The following ASAP3 variants were observed in gnomAD, a reference collection of about 807,000 sequenced individuals.
ASAP3 encodes ArfGAP with SH3 domain, ankyrin repeat and PH domain 3.
In ASAP3, 85 loss-of-function variants were observed where a neutral mutation model predicts 118.2. That is an observed-to-expected ratio of 0.72 (90% CI 0.60 to 0.86). The LOEUF (loss-of-function observed/expected upper bound fraction) is 0.86, where lower values mean the gene tolerates loss of function less well. Among genes scored for constraint, ASAP3 ranks in the 40% least tolerant of loss-of-function variants. The pLI, the probability that ASAP3 is intolerant of heterozygous loss-of-function variation, is 0.00. For synonymous variants in ASAP3, 432 were observed against 477.4 expected (o/e 0.90, Z 1.24); for missense variants, 1,026 against 1,175.0 (o/e 0.87, Z 1.85).
At chr1:23,434,404 G>GA in intron 18 of ASAP3, 35 bp from the exon 19 acceptor site, 1 of 1,610,518 alleles carries the variant, frequency 6.2e-7, no homozygotes, top group Non-Finnish European at 8.5e-7. Context: ...AAAGGAAGGG[G>GA]AACAGATCAA....
intron 5 of ASAP3, among the ~76,000 whole-genome samples, chr1:23,450,025 G>C (rs1457476830): frequency 1.3e-5 from 2 of 152,222 alleles, no homozygotes; most frequent in African/African-American, 4.8e-5. Context: ...AGTGAGAGCA[G>C]ATGGCCGTGC....
chr1:23,437,457 T>TGG lies in ASAP3; in HGVS notation c.1116_1117dup (p.His373ProfsTer26). 1.2e-6 allele frequency: 2 copies of TGG among 1,614,024 alleles called. No individual in the cohort carries two copies. The highest frequency in any genetic ancestry group is 1.7e-6 in the Non-Finnish European group (2 of 1,179,986). On this transcript the variant is annotated frameshift_variant, in exon 13 of 25. Coordinates refer to ENST00000336689, the MANE Select transcript of ASAP3 (RefSeq NM_017707.4). LOFTEE classifies it high-confidence loss of function. The surrounding 1 kb of genome is among the most constrained non-coding windows in gnomAD (Gnocchi z 6.1). ...CTCGTGCTCGTCCTCTGCCTGAAAG[T>TGG]GGTACGTCCGGTTGTCTGTCGGGAG...
In ASAP3 at chr1:23,431,125, G is replaced by A. The variant is rs1380157561; in HGVS notation, c.2547C>T (p.Ser849=). 2 of 1,583,116 alleles carry A rather than the reference G, an allele frequency of 1.3e-6. No homozygotes were observed. Among genetic ancestry groups the A allele is most frequent in the Non-Finnish European group, 1.7e-6 (2 of 1,164,880 alleles). ...PSEMYLPVRF[S]SESTRSYRRG... is the part of the protein sequence containing the mutation. Reference sequence around the variant, plus strand: ...GCCGATAGGAGCGAGTGCTCTCGGAGCTGGAAGGCAGGGAAAGGCCAACAT... The same window carrying A: ...GCCGATAGGAGCGAGTGCTCTCGGAACTGGAAGGCAGGGAAAGGCCAACAT... The change falls in exon 24 of 25, where the codon AGC becomes AGT. Residue 849 remains serine, a splice_region_variant and synonymous_variant. Transcript: ENST00000336689.
intron 1 of ASAP3, among the ~76,000 whole-genome samples, chr1:23,467,538 C>G (rs77996570): frequency 0.034 from 5,228 of 152,216 alleles, 130 homozygotes; most frequent in Middle Eastern, 0.12. Context: ...CCTTAAGAGA[C>G]GAAGTCACAG....
intron 10 of ASAP3, 72 bp downstream of exon 10, chr1:23,441,030 G>T: frequency 7.2e-7 from 1 of 1,392,204 alleles, no homozygotes. Flanking sequence ...GTTCCTTTGG[G>T]CAGCTTCCCC....
chr1:23,483,008 A>G (rs1642359960), intron 1 of ASAP3, among the ~76,000 whole-genome samples: 1 of 152,126 alleles, frequency 6.6e-6, no homozygotes, highest in Admixed American at 6.6e-5. Context: ...TGCTCCTTCC[A>G]CAATCCTCTA....
At position 23,435,929 on chromosome 1, in the gene ASAP3, G is replaced by A. The variant is rs1370635494; in HGVS notation, c.1671C>T (p.Asn557=). 6.2e-7 allele frequency: 1 copy of A among 1,614,276 alleles called. No individual in the cohort carries two copies. The highest frequency in any genetic ancestry group is 1.1e-5 in the South Asian group (1 of 91,090). The stretch of plus-strand genomic sequence containing the variant: ...CCTCCAGTACCGACAGGAGGTCCCT[G>A]TTGCAAATGGCTGTCCAGAGTCGCT... ...EPQRLWTAIC[N]RDLLSVLEAF... The change falls in exon 17 of 25, where the codon AAC becomes AAT. Residue 557 remains asparagine (N), a synonymous_variant. Coordinates refer to ENST00000336689, the MANE Select transcript of ASAP3 (RefSeq NM_017707.4).
chr1:23,477,593 G>A (rs1180285456), intron 1 of ASAP3, among the ~76,000 whole-genome samples: 1 of 152,070 alleles, frequency 6.6e-6, no homozygotes, highest in East Asian at 1.9e-4. Context: ...CACACGTGTG[G>A]ACAAGATTCC....
Position 23,436,170 on chromosome 1 carries a change from C to T in ASAP3, c.1572-142G>A, listed in dbSNP as rs1640646368. 1 of 944,194 alleles carries T rather than the reference C, an allele frequency of 1.1e-6. No individual in the cohort carries two copies. The highest frequency in any genetic ancestry group is 2.7e-5 in the Admixed American group (1 of 37,420). 58.5% of individuals were successfully genotyped at this position (944,194 alleles called of 1,614,324 possible). A position where few individuals can be genotyped will look rare whatever the true frequency, so the allele number is the denominator to read the frequency against. ...TCTAGATCTGAGGCTCCCCTCTCCC[C>T]AGGCTTTTTTTTTAGACAGTCTCAC... On this transcript the variant is annotated intron_variant, in intron 16 of 24. Transcript: ENST00000336689. This position sits in a 1 kb window ranked among gnomAD's most constrained non-coding sequence, Gnocchi z 4.2.
At chr1:23,442,154 G>C (rs759187492) in intron 7 of ASAP3, 32 bp downstream of exon 7, 5 of 1,570,046 alleles carry the variant, frequency 3.2e-6, no homozygotes, top group Non-Finnish European at 4.3e-6. Flanking sequence ...ACACTGGAAG[G>C]GTTAGTGGCA....
rs1431860621 is a variant in ASAP3, at chr1:23,430,893, G to A, written c.2637+142C>T. Reference sequence around the variant, plus strand: ...GTGCCCACCTGGGCACCAGGACAGGGACTGTCCAAACTGTGGCTGCCTGGG... The same window carrying A: ...GTGCCCACCTGGGCACCAGGACAGGAACTGTCCAAACTGTGGCTGCCTGGG... On this transcript the variant is annotated intron_variant, in intron 24 of 24. Coordinates refer to ENST00000336689, the MANE Select transcript of ASAP3 (RefSeq NM_017707.4). 3.1e-5 allele frequency: 25 copies of A among 799,746 alleles called. 1 individual carries two copies. The Middle Eastern group carries it at 2.2e-3, about 72-fold the overall frequency. The allele number at this position is 799,746 out of a possible 1,614,324, so 49.5% of individuals were successfully genotyped here.
chr1:23,436,864 C>A lies in ASAP3; in HGVS notation c.1476+47G>T, dbSNP rs543312165. 3.8e-6 allele frequency: 6 copies of A among 1,594,892 alleles called. No homozygotes were observed. In the East Asian group the frequency reaches 9.0e-5, roughly 24 times the overall value. On this transcript the variant is annotated intron_variant, in intron 15 of 24. Transcript: ENST00000336689. The surrounding 1 kb of genome is among the most constrained non-coding windows in gnomAD (Gnocchi z 4.2). ...AGCCCCGCCCCCGGATGAAACTACACCCCTAACTCCGCTTCTGGCCCCTTC... is the reference window on the plus strand; with the variant it reads ...AGCCCCGCCCCCGGATGAAACTACAACCCTAACTCCGCTTCTGGCCCCTTC...
chr1:23,468,479 T>C (rs1309226600), intron 1 of ASAP3, among the ~76,000 whole-genome samples: 2 of 152,166 alleles, frequency 1.3e-5, no homozygotes, highest in Admixed American at 6.6e-5. Context: ...AAAAAGGAGT[T>C]TTCCTGTGGG....
chr1:23,463,058 C>T (rs1222113316), intron 1 of ASAP3, among the ~76,000 whole-genome samples: 3 of 152,114 alleles, frequency 2.0e-5, no homozygotes, highest in Admixed American at 1.3e-4. Flanking sequence ...GGAAGGGAGG[C>T]GTGCTCTGGG....
At chr1:23,443,425 C>A (rs1023817398) in intron 5 of ASAP3, among the ~76,000 whole-genome samples, 1 of 152,158 alleles carries the variant, frequency 6.6e-6, no homozygotes, top group African/African-American at 2.4e-5. Flanking sequence ...TTGCTTACCC[C>A]CCTACTTATA....
At chr1:23,445,572 C>T (rs1228983241) in intron 5 of ASAP3, among the ~76,000 whole-genome samples, 1 of 151,770 alleles carries the variant, frequency 6.6e-6, no homozygotes, top group African/African-American at 2.4e-5. Context: ...TACACTGTTA[C>T]CATATCTTTC....
At chr1:23,461,363 A>AT (rs1212708733) in intron 1 of ASAP3, among the ~76,000 whole-genome samples, 2 of 151,694 alleles carry the variant, frequency 1.3e-5, no homozygotes, top group African/African-American at 4.8e-5. Flanking sequence ...AATAAAGTCG[A>AT]TTTTTTTTAA....
chr1:23,484,024 G>A lies in ASAP3; in HGVS notation c.110C>T (p.Ala37Val). The change falls in exon 1 of 25, where the codon GCG (alanine) becomes GTG (valine). Residue 37 changes from alanine (A) to valine (V), a missense_variant. Ala to Val is a moderately conservative substitution (Grantham distance 64). Transcript: ENST00000336689. ...FAAKMPRYRG[A>V]ALAREEILEG... ...CCTCACCTCCTCCCGCGCCAGCGCC[G>A]CCCCTCGGTACCGGGGCATCTTGGC... The A allele has an allele frequency of 7.7e-7, 1 of 1,300,300 alleles. No individual in the cohort carries two copies. The highest frequency in any genetic ancestry group is 2.3e-5 in the South Asian group (1 of 43,932). The allele number at this position is 1,300,300 out of a possible 1,614,324, so 80.5% of individuals were successfully genotyped here.
Position 23,442,593 on chromosome 1 carries a change from G to A in ASAP3, c.493C>T (p.Arg165Cys), listed in dbSNP as rs372166776. 1.1e-5 allele frequency: 18 copies of A among 1,613,832 alleles called. No individual in the cohort carries two copies. The highest frequency in any genetic ancestry group is 2.2e-5 in the East Asian group (1 of 44,884). The change falls in exon 6 of 25, where the codon CGC becomes TGC. Residue 165 changes from arginine (R) to cysteine (C), a missense_variant. Physicochemically the swap from Arg to Cys is radical, Grantham distance 180. Coordinates refer to ENST00000336689, the MANE Select transcript of ASAP3 (RefSeq NM_017707.4). ...CCTCCTGTCACCCTGGCCCGATCGC[G>A]CTCCTTCTCCAGCTTGGCCCTAGAC... Reference protein sequence around the residue: ...EAKMAKLEKERDRARVTGGIP... With the variant: ...EAKMAKLEKECDRARVTGGIP...
Sources: gnomAD v4.1 joint callset for allele counts (sites outside exome capture counted in the v4.1 genomes callset) on GRCh38, gnomAD v4.1.1 for gene constraint, Gnocchi (gnomAD v3.1) non-coding constraint, MANE v1.5 for transcripts, NCBI Gene and HGNC (gene_info 2026-07-23, HGNC 2026-07-21) for gene names.